The following KCNAB1 variants were observed in gnomAD, a reference collection of about 807,000 sequenced individuals.
The protein encoded by KCNAB1 is potassium voltage-gated channel subfamily A regulatory beta subunit 1.
KCNAB1 carries 35 observed loss-of-function variants against 64.6 expected under a neutral mutation model. That is an observed-to-expected ratio of 0.54 (90% CI 0.41 to 0.72). The LOEUF (loss-of-function observed/expected upper bound fraction) is 0.72. Among genes scored for constraint, KCNAB1 ranks in the 30% least tolerant of loss-of-function variants. The pLI is 0.00. For missense variants in KCNAB1, 401 were observed against 512.9 expected, an observed-to-expected ratio of 0.78 and a Z score of 2.11; for synonymous variants, 177 against 183.8, an observed-to-expected ratio of 0.96 and a Z score of 0.30.
chr3:156,489,036 G>T (rs1715431633), intron 8 of KCNAB1, among the ~76,000 whole-genome samples: 1 of 152,100 alleles, frequency 6.6e-6, no homozygotes, highest in African/African-American at 2.4e-5. Flanking sequence ...GGAAGCTCAG[G>T]GGTTTGAGTT....
intron 1 of KCNAB1, among the ~76,000 whole-genome samples, chr3:156,300,745 T>C (rs751185765): frequency 3.9e-5 from 6 of 152,196 alleles, no homozygotes; most frequent in Non-Finnish European, 7.4e-5. Flanking sequence ...GCAATTCTTA[T>C]GAGATATCAA....
chr3:156,297,328 T>C (rs947674049), intron 1 of KCNAB1, among the ~76,000 whole-genome samples: 3 of 148,228 alleles, frequency 2.0e-5, no homozygotes, highest in African/African-American at 7.4e-5. Context: ...AAGAATCTTG[T>C]AGTGGTGAAA....
At chr3:156,324,521 A>G (rs1372441804) in intron 1 of KCNAB1, among the ~76,000 whole-genome samples, 1 of 152,092 alleles carries the variant, frequency 6.6e-6, no homozygotes, top group Non-Finnish European at 1.5e-5. Flanking sequence ...TACTCATTCA[A>G]TAGATACTAT....
At chr3:156,404,522 G>A (rs918087589) in intron 1 of KCNAB1, among the ~76,000 whole-genome samples, 3 of 152,314 alleles carry the variant, frequency 2.0e-5, no homozygotes, top group East Asian at 1.9e-4. Context: ...AGTAACTAAT[G>A]TAGGTAAAGA....
intron 1 of KCNAB1, chr3:156,291,044 A>C: frequency 1.0e-6 from 1 of 985,466 alleles, no homozygotes; most frequent in South Asian, 4.7e-5. Context: ...CCCAGTTCCA[A>C]CTGTTGTGCT....
chr3:156,395,835 T>G (rs1713426300), intron 1 of KCNAB1, among the ~76,000 whole-genome samples: 1 of 152,142 alleles, frequency 6.6e-6, no homozygotes, highest in African/African-American at 2.4e-5. Flanking sequence ...GGGACAGATT[T>G]ATGACTGTGA....
At position 156,538,159 on chromosome 3, in the gene KCNAB1, A is replaced by AG. The variant is rs1559938225; in HGVS notation, c.*1417dup. 1 of 150,646 alleles carries AG rather than the reference A, an allele frequency of 6.6e-6. No homozygotes were observed. The highest frequency in any genetic ancestry group is 1.5e-5 in the Non-Finnish European group (1 of 67,738). The allele number at this position is 150,646 out of a possible 1,614,324, so 9.3% of individuals were successfully genotyped here. On this transcript the variant is annotated 3_prime_UTR_variant, in exon 14 of 14. Coordinates refer to ENST00000490337, the MANE Select transcript of KCNAB1 (RefSeq NM_172160.3). ...GAAAACATGTTTTGTTTTTTTTTGA[A>AG]GGGGGTGGTGTGGGAGTGGCCCTTT...
At chr3:156,486,223 A>T (rs999347793) in intron 8 of KCNAB1, among the ~76,000 whole-genome samples, 14 of 152,126 alleles carry the variant, frequency 9.2e-5, no homozygotes, top group African/African-American at 3.4e-4. Context: ...TGCTTTCCTG[A>T]TTCCATCAGC....
intron 1 of KCNAB1, among the ~76,000 whole-genome samples, chr3:156,404,023 T>C (rs1714080222): frequency 1.3e-5 from 2 of 152,200 alleles, no homozygotes; most frequent in Admixed American, 6.5e-5. Context: ...TCACCTACCT[T>C]ACTTCTAGAT....
At chr3:156,262,557 A>G (rs1279115286) in intron 1 of KCNAB1, among the ~76,000 whole-genome samples, 2 of 151,622 alleles carry the variant, frequency 1.3e-5, no homozygotes, top group African/African-American at 4.8e-5. Context: ...ATCCTTTTAC[A>G]AGTCGCTGGA....
chr3:156,454,009 CAG>C (rs1576886576), intron 3 of KCNAB1, among the ~76,000 whole-genome samples: 1 of 152,172 alleles, frequency 6.6e-6, no homozygotes, highest in Non-Finnish European at 1.5e-5. Flanking sequence ...AGTTGGGAAA[CAG>C]AGGCTTTTCT....
chr3:156,531,303 G>A, intron 12 of KCNAB1, 106 bp from the exon 13 acceptor site: 1 of 834,960 alleles, frequency 1.2e-6, no homozygotes, highest in Non-Finnish European at 2.1e-6. Context: ...TCCACAAAAA[G>A]AAGTTAATAA....
chr3:156,296,241 G>A (rs895433049), intron 1 of KCNAB1, among the ~76,000 whole-genome samples: 1 of 152,036 alleles, frequency 6.6e-6, no homozygotes, highest in Non-Finnish European at 1.5e-5. Context: ...GTTTTTGTTT[G>A]GTTGGTTTGG....
intron 1 of KCNAB1, among the ~76,000 whole-genome samples, chr3:156,359,569 CAGG>C (rs1725471958): frequency 6.6e-6 from 1 of 152,104 alleles, no homozygotes; most frequent in East Asian, 1.9e-4. Flanking sequence ...AACCAGCATC[CAGG>C]AGATCAAAAC....
chr3:156,371,393 A>C (rs574767892), intron 1 of KCNAB1, among the ~76,000 whole-genome samples: 48 of 152,258 alleles, frequency 3.2e-4, no homozygotes, highest in African/African-American at 1.0e-3. Context: ...AAGTTCAACA[A>C]ATGTTTGCTT....
intron 8 of KCNAB1, among the ~76,000 whole-genome samples, chr3:156,483,053 T>A (rs546952546): frequency 6.6e-6 from 1 of 152,212 alleles, no homozygotes; most frequent in African/African-American, 2.4e-5. Context: ...TACACTAGAA[T>A]TCACGCAGGA....
intron 1 of KCNAB1, among the ~76,000 whole-genome samples, chr3:156,280,739 G>A (rs1188618578): frequency 6.6e-6 from 1 of 151,704 alleles, no homozygotes; most frequent in Admixed American, 6.6e-5. Flanking sequence ...AATTGTGAAT[G>A]GGAGTTCACT....
At chr3:156,167,892 C>G (rs915072753) in intron 1 of KCNAB1, among the ~76,000 whole-genome samples, 1 of 152,074 alleles carries the variant, frequency 6.6e-6, no homozygotes, top group Non-Finnish European at 1.5e-5. Flanking sequence ...AGAATGCTCT[C>G]TATACTTTCT....
chr3:156,277,012 A>G (rs1041496919), intron 1 of KCNAB1, among the ~76,000 whole-genome samples: 2 of 152,106 alleles, frequency 1.3e-5, no homozygotes, highest in African/African-American at 4.8e-5. Flanking sequence ...AAGCTTAATA[A>G]TTTCTAGCTT....
Sources: allele counts gnomAD v4.1 joint callset (sites outside exome capture counted in the v4.1 genomes callset), GRCh38; gene constraint gnomAD v4.1.1; transcripts MANE v1.5; gene names NCBI Gene and HGNC (gene_info 2026-07-23, HGNC 2026-07-21).